The following MYO1D variants were observed in gnomAD, a reference collection of about 807,000 sequenced individuals.
The protein encoded by MYO1D is myosin ID, also known as unconventional myosin-Id.
In MYO1D, 83 loss-of-function variants were observed where a neutral mutation model predicts 122.0. That is an observed-to-expected ratio of 0.68 (90% CI 0.57 to 0.82). The LOEUF is 0.82. Among genes scored for constraint, MYO1D ranks in the 40% least tolerant of loss-of-function variants. MYO1D has a pLI of 0.00. For missense variants in MYO1D, 1,157 were observed against 1,269.5 expected (o/e 0.91, Z 1.35); for synonymous variants, 464 against 446.9 (o/e 1.04, Z -0.48).
chr17:32,677,106 G>A (rs1054110401), intron 16 of MYO1D, among the ~76,000 whole-genome samples: 4 of 152,056 alleles, frequency 2.6e-5, no homozygotes, highest in South Asian at 2.1e-4. Flanking sequence ...CACCGTGCCC[G>A]GCCAGAAGTT....
At chr17:32,707,131 T>C (rs2089319577) in intron 16 of MYO1D, among the ~76,000 whole-genome samples, 1 of 152,178 alleles carries the variant, frequency 6.6e-6, no homozygotes, top group African/African-American at 2.4e-5. Flanking sequence ...CTAACAAAAA[T>C]AACTGTAATA....
At chr17:32,585,559 G>A (rs2087379267) in intron 21 of MYO1D, among the ~76,000 whole-genome samples, 1 of 151,940 alleles carries the variant, frequency 6.6e-6, no homozygotes, top group African/African-American at 2.4e-5. Flanking sequence ...GTGAAACCTT[G>A]TCTCTCCTAA....
At chr17:32,497,209 G>C (rs779738590) in intron 21 of MYO1D, 1 of 152,522 alleles carries the variant, frequency 6.6e-6, no homozygotes, top group Admixed American at 6.5e-5. Flanking sequence ...GAGGAGGGAG[G>C]ATCAATTGAG....
chr17:32,608,142 T>C (rs114770013), intron 20 of MYO1D, among the ~76,000 whole-genome samples: 484 of 152,318 alleles, frequency 3.2e-3, no homozygotes, highest in African/African-American at 0.011. Flanking sequence ...TAAATTGAAC[T>C]TGATCAAATT....
chr17:32,568,184 T>TCCAA (rs1555626554), intron 21 of MYO1D, among the ~76,000 whole-genome samples: 16 of 43,984 alleles, frequency 3.6e-4, no homozygotes, highest in Non-Finnish European at 3.7e-4. Flanking sequence ...TCTGCGTTAT[T>TCCAA]ACAAAAAAAA....
At chr17:32,606,272 A>G (rs934710940) in intron 20 of MYO1D, among the ~76,000 whole-genome samples, 1 of 152,254 alleles carries the variant, frequency 6.6e-6, no homozygotes. Flanking sequence ...TCCACCAAAC[A>G]TTTAAAGAAG....
At chr17:32,816,780 CATAAGT>C (rs1407921702) in intron 1 of MYO1D, among the ~76,000 whole-genome samples, 2 of 152,184 alleles carry the variant, frequency 1.3e-5, no homozygotes, top group Admixed American at 6.5e-5. Flanking sequence ...CTGGATGTAG[CATAAGT>C]ATGAGTTTAA....
At chr17:32,575,172 T>C (rs1461404683) in intron 21 of MYO1D, among the ~76,000 whole-genome samples, 1 of 152,208 alleles carries the variant, frequency 6.6e-6, no homozygotes, top group Non-Finnish European at 1.5e-5. Flanking sequence ...CTAAGCATGA[T>C]AAAAAACATT....
chr17:32,624,062 C>G (rs1350109111), intron 20 of MYO1D, among the ~76,000 whole-genome samples: 1 of 152,168 alleles, frequency 6.6e-6, no homozygotes, highest in African/African-American at 2.4e-5. Context: ...AATGGCAGAA[C>G]TGAATTTGGG....
At position 32,688,132 on chromosome 17, in the gene MYO1D, G is replaced by A. The variant is rs370713387; in HGVS notation, c.2121+23856C>T. The stretch of plus-strand genomic sequence containing the variant: ...TAGCTTGGGAGGAACATTCATATGC[G>A]CAACACCTTTCTGGGAGCTGTGCAA... On this transcript the variant is annotated intron_variant, in intron 16 of 21. Transcript: ENST00000318217. Among the ~76,000 whole-genome samples the A allele has an allele frequency of 3.9e-5, 6 of 152,206 alleles. 1 individual carries two copies. In the South Asian group the frequency reaches 1.0e-3, roughly 26 times the overall value.
chr17:32,685,511 C>T (rs1418987227), intron 16 of MYO1D, among the ~76,000 whole-genome samples: 1 of 152,170 alleles, frequency 6.6e-6, no homozygotes, highest in Non-Finnish European at 1.5e-5. Flanking sequence ...CCATGGAATC[C>T]ACTGTTTAAC....
intron 16 of MYO1D, among the ~76,000 whole-genome samples, chr17:32,677,549 G>T (rs2088831511): frequency 6.7e-6 from 1 of 148,624 alleles, no homozygotes; most frequent in Non-Finnish European, 1.5e-5. Context: ...AAAAGTCACT[G>T]GGAAGTCATC....
chr17:32,638,656 ACCC>A lies in MYO1D; in HGVS notation c.2709+63_2709+65del. ...AAAGATTCTAGAACTCAGTCTATTG[ACCC>A]ATTAGTGGTCCATGAGCACCAGGTT... On this transcript the variant is annotated intron_variant, in intron 20 of 21. Transcript: ENST00000318217. 2.9e-6 allele frequency: 3 copies of A among 1,052,150 alleles called. No individual in the cohort carries two copies. The Admixed American group carries it at 5.4e-5, about 19-fold the overall frequency. 65.2% of individuals were successfully genotyped at this position (1,052,150 alleles called of 1,614,324 possible).
At chr17:32,876,710 C>T in intron 1 of MYO1D, 68 bp downstream of exon 1, 3 of 1,332,898 alleles carry the variant, frequency 2.3e-6, no homozygotes, top group Non-Finnish European at 3.0e-6. Flanking sequence ...GATCCGGCCG[C>T]GCCCCGAGGC....
At chr17:32,552,439 T>TCCATCCATCCATCCAC (rs2087025775) in intron 21 of MYO1D, among the ~76,000 whole-genome samples, 2 of 151,678 alleles carry the variant, frequency 1.3e-5, no homozygotes, top group South Asian at 4.2e-4. Flanking sequence ...CATCCATCCA[T>TCCATCCATCCATCCAC]CCATCCATCC....
rs1356231645 is a variant in MYO1D, at chr17:32,745,489, A to G, written c.1539-204T>C. 13 of 440,896 alleles carry G rather than the reference A, an allele frequency of 2.9e-5. No individual in the cohort carries two copies. In the East Asian group the frequency reaches 3.7e-4, roughly 12 times the overall value. The allele number at this position is 440,896 out of a possible 1,614,324, so 27.3% of individuals were successfully genotyped here. ...AATTTTCATCAGTACTATTATGATT[A>G]AGATGATAATTCCCTACTGGTTTAT... On this transcript the variant is annotated intron_variant, in intron 12 of 21. Transcript: ENST00000318217.
chr17:32,734,613 A>T (rs1417376261), intron 14 of MYO1D: 1 of 152,222 alleles, frequency 6.6e-6, no homozygotes, highest in Non-Finnish European at 1.5e-5. Flanking sequence ...TTTGTCATGC[A>T]CTTCCTAACA....
intron 1 of MYO1D, among the ~76,000 whole-genome samples, chr17:32,812,924 T>C (rs1405094978): frequency 6.6e-6 from 1 of 152,230 alleles, no homozygotes; most frequent in Non-Finnish European, 1.5e-5. Flanking sequence ...TTAACCATAA[T>C]GGCGACATTA....
chr17:32,508,845 T>C (rs1005315040), intron 21 of MYO1D, among the ~76,000 whole-genome samples: 2 of 152,176 alleles, frequency 1.3e-5, no homozygotes, highest in Non-Finnish European at 2.9e-5. Context: ...AAAAAGCACA[T>C]CATTAGCCGT....
Sources: gnomAD v4.1 joint callset for allele counts (sites outside exome capture counted in the v4.1 genomes callset) on GRCh38, gnomAD v4.1.1 for gene constraint, MANE v1.5 for transcripts, NCBI Gene and HGNC (gene_info 2026-07-23, HGNC 2026-07-21) for gene names.